Variants in VPS35L observed in about 807,000 individuals in gnomAD.
VPS35L encodes the protein VPS35 endosomal protein sorting factor like.
VPS35L carries 83 observed loss-of-function variants against 133.0 expected under a neutral mutation model. The ratio of observed to expected loss-of-function variants is 0.62; its 90% CI spans 0.52 to 0.75. The LOEUF is 0.75. Among genes scored for constraint, VPS35L ranks in the 30% least tolerant of loss-of-function variants. The pLI, the probability that VPS35L is intolerant of heterozygous loss-of-function variation, is 0.00. For synonymous variants in VPS35L, 423 were observed against 449.9 expected (o/e 0.94, Z 0.76); for missense variants, 1,083 against 1,206.8 (o/e 0.90, Z 1.52).
rs754703041 is a variant in VPS35L, at chr16:19,569,416, C to A, written c.118-8C>A. 1.1e-5 allele frequency: 17 copies of A among 1,592,292 alleles called. No individual in the cohort carries two copies. Among genetic ancestry groups the A allele is most frequent in the Non-Finnish European group, 1.4e-5 (16 of 1,169,110 alleles). ...GTTCCGTTTTACCTCCAGAAATTTT[C>A]CTCACAGGTCACAGAGTCAAAGACA... On this transcript the variant is annotated splice_region_variant and splice_polypyrimidine_tract_variant and intron_variant, in intron 2 of 30. Coordinates refer to ENST00000417362, the MANE Select transcript of VPS35L (RefSeq NM_020314.7).
At chr16:19,671,741 T>C (rs1437304617) in intron 27 of VPS35L, among the ~76,000 whole-genome samples, 5 of 150,596 alleles carry the variant, frequency 3.3e-5, no homozygotes, top group African/African-American at 1.2e-4. Flanking sequence ...TGTGCCACTG[T>C]ACTCCAGCCT....
rs191947461 is a variant in VPS35L, at chr16:19,581,924, C to A, written c.639+271C>A. ...CCTAGGTTACAGAACTGATGATACC[C>A]CATGTGTTGTGCAGTACATTAACCA... On this transcript the variant is annotated intron_variant, in intron 7 of 30. Transcript: ENST00000417362. 1.3e-4 allele frequency: 58 copies of A among 461,160 alleles called. No individual in the cohort carries two copies. The East Asian group carries it at 1.6e-3, about 13-fold the overall frequency. The allele number at this position is 461,160 out of a possible 1,614,324, so 28.6% of individuals were successfully genotyped here. A position where few individuals can be genotyped will look rare whatever the true frequency, so the allele number is the denominator to read the frequency against.
chr16:19,593,009 G>GC (rs1218077410), intron 8 of VPS35L, among the ~76,000 whole-genome samples: 5 of 151,972 alleles, frequency 3.3e-5, no homozygotes, highest in African/African-American at 1.2e-4. Context: ...TTTAATCCTA[G>GC]CCACAGTCCT....
chr16:19,591,647 G>T, intron 7 of VPS35L, 143 bp from the exon 8 acceptor site: 1 of 576,798 alleles, frequency 1.7e-6, no homozygotes, highest in Non-Finnish European at 3.1e-6. Context: ...GCTTGTCATT[G>T]TATGCTCAGC....
intron 15 of VPS35L, 98 bp from the exon 16 acceptor site, chr16:19,627,596 A>C: frequency 2.1e-6 from 2 of 946,800 alleles, no homozygotes; most frequent in Non-Finnish European, 3.4e-6. Context: ...CTACCGCTAA[A>C]GAGCTGTTAG....
At chr16:19,622,300 G>A (rs142843462) in intron 14 of VPS35L, among the ~76,000 whole-genome samples, 34 of 151,752 alleles carry the variant, frequency 2.2e-4, no homozygotes, top group East Asian at 5.8e-4. Context: ...ACGCCACCAC[G>A]CCCGGCTAAT....
In VPS35L at chr16:19,590,151, C is replaced by T. The variant is rs1428518160; in HGVS notation, c.640-1639C>T. ...ACATTCCCGCCCCGCCCCCCCCCCC[C>T]CCCCCACAAATAACATTTGGGCTGT... is the stretch of plus-strand genomic sequence containing the variant. On this transcript the variant is annotated intron_variant, in intron 7 of 30. Transcript: ENST00000417362. Among the ~76,000 whole-genome samples, 5 of 110,632 alleles carry T rather than the reference C, an allele frequency of 4.5e-5. 1 individual carries two copies. In the East Asian group the frequency reaches 1.0e-3, roughly 23 times the overall value. The allele number at this position is 110,632 out of a possible 152,430, so 72.6% of individuals were successfully genotyped here.
At chr16:19,645,591 C>G (rs1020998146) in intron 23 of VPS35L, among the ~76,000 whole-genome samples, 4 of 151,992 alleles carry the variant, frequency 2.6e-5, no homozygotes, top group African/African-American at 9.7e-5. Context: ...ACCCAGCCCC[C>G]TGTCTGTCTT....
At chr16:19,673,227 A>C (rs1974936519) in intron 27 of VPS35L, among the ~76,000 whole-genome samples, 1 of 152,226 alleles carries the variant, frequency 6.6e-6, no homozygotes, top group Admixed American at 6.5e-5. Context: ...ACATGTAGAC[A>C]CTTGCTGGCT....
chr16:19,594,943 G>A (rs8048081), intron 8 of VPS35L, among the ~76,000 whole-genome samples: 3,872 of 152,240 alleles, frequency 0.025, 175 homozygotes, highest in African/African-American at 0.089. Flanking sequence ...CTCTGGGTCT[G>A]TGGGGTGGAG....
At chr16:19,632,169 G>C (rs1716652368) in intron 18 of VPS35L, among the ~76,000 whole-genome samples, 1 of 151,276 alleles carries the variant, frequency 6.6e-6, no homozygotes, top group African/African-American at 2.4e-5. Context: ...CACCATGTTG[G>C]CCAGGCTGGT....
At chr16:19,570,834 CATATATATATATATATATATATATAT>C (rs58794831) in intron 3 of VPS35L, among the ~76,000 whole-genome samples, 1,579 of 78,776 alleles carry the variant, frequency 0.02, 90 homozygotes, top group African/African-American at 0.051. Flanking sequence ...TGCTGTGTTT[CATATATATATATATATATATATATAT>C]ATATATATAT....
chr16:19,679,586 C>T (rs1975195275), intron 27 of VPS35L, among the ~76,000 whole-genome samples: 1 of 151,640 alleles, frequency 6.6e-6, no homozygotes, highest in African/African-American at 2.4e-5. Flanking sequence ...GCTCGCTCAT[C>T]CTCCACCTCC....
intron 7 of VPS35L, 114 bp downstream of exon 7, chr16:19,581,767 C>T: frequency 2.4e-6 from 3 of 1,250,686 alleles, no homozygotes; most frequent in Admixed American, 4.6e-5. Flanking sequence ...TTTCTCATCC[C>T]TTTCTTTTTC....
At chr16:19,578,886 T>G in intron 5 of VPS35L, 166 bp from the exon 6 acceptor site, 1 of 668,644 alleles carries the variant, frequency 1.5e-6, no homozygotes, top group Non-Finnish European at 2.7e-6. Flanking sequence ...TCGATGGAAT[T>G]CTGGTTACAT....
intron 15 of VPS35L, among the ~76,000 whole-genome samples, chr16:19,627,402 C>T (rs1362551275): frequency 1.3e-5 from 2 of 152,174 alleles, no homozygotes; most frequent in Non-Finnish European, 2.9e-5. Flanking sequence ...ATTGAATGCT[C>T]GCTCTTCTTC....
chr16:19,576,432 C>G (rs1261190519), intron 5 of VPS35L, among the ~76,000 whole-genome samples: 1 of 152,182 alleles, frequency 6.6e-6, no homozygotes, highest in African/African-American at 2.4e-5. Context: ...GTCAGAAGCT[C>G]TGGACCAGGG....
At chr16:19,557,116 T>G (rs1970885834) in intron 1 of VPS35L, among the ~76,000 whole-genome samples, 1 of 151,902 alleles carries the variant, frequency 6.6e-6, no homozygotes, top group African/African-American at 2.4e-5. Context: ...TGGGCAACAG[T>G]GAGACTCTGT....
In VPS35L at chr16:19,608,999, T is replaced by G. The variant is rs754833008; in HGVS notation, c.907T>G (p.Cys303Gly). The G allele has an allele frequency of 9.9e-6, 16 of 1,614,026 alleles. No individual in the cohort carries two copies. Among genetic ancestry groups the G allele is most frequent in the Non-Finnish European group, 1.3e-5 (15 of 1,179,952 alleles). Residue 303 changes from cysteine to glycine, a missense_variant, in exon 11 of 31, where the codon TGT becomes GGT. Coordinates refer to ENST00000417362, the MANE Select transcript of VPS35L (RefSeq NM_020314.7). Reference protein sequence around the residue: ...RFYVEASILKCNKFLSKTGIS... With the variant: ...RFYVEASILKGNKFLSKTGIS... Reference sequence around the variant, plus strand: ...TTACGTGGAGGCATCCATCCTGAAATGTAACAAATTCCTCTCCAAAACGTA... The same window carrying G: ...TTACGTGGAGGCATCCATCCTGAAAGGTAACAAATTCCTCTCCAAAACGTA...
Sources: allele counts gnomAD v4.1 joint callset (sites outside exome capture counted in the v4.1 genomes callset), GRCh38; gene constraint gnomAD v4.1.1; transcripts MANE v1.5; gene names NCBI Gene and HGNC (gene_info 2026-07-23, HGNC 2026-07-21).